Variants in CKAP2 observed in about 807,000 individuals in gnomAD.
The protein encoded by CKAP2 is cytoskeleton-associated protein 2.
A neutral mutation model predicts 58.4 loss-of-function variants in CKAP2; 46 were observed. The observed-to-expected ratio is 0.79, with a 90% CI of 0.62 to 1.01. The LOEUF (loss-of-function observed/expected upper bound fraction) is 1.01, where lower values mean the gene tolerates loss of function less well. Among genes scored for constraint, CKAP2 ranks in the 50% least tolerant of loss-of-function variants. The probability of loss-of-function intolerance (pLI) is 0.00; values close to 1 mark genes in which losing one functional copy is unlikely to be tolerated. For synonymous variants in CKAP2, 293 were observed against 280.9 expected (o/e 1.04, Z -0.43); for missense variants, 809 against 796.4 (o/e 1.02, Z -0.19).
chr13:52,468,127 A>G (rs906630846), intron 6 of CKAP2, 151 bp from the exon 7 acceptor site: 12 of 543,192 alleles, frequency 2.2e-5, no homozygotes, highest in African/African-American at 3.9e-5. Flanking sequence ...CCATTTTTCA[A>G]TCTTAATTGT....
chr13:52,463,473 C>T (rs1028657860), intron 5 of CKAP2, among the ~76,000 whole-genome samples: 2 of 151,830 alleles, frequency 1.3e-5, no homozygotes, highest in Non-Finnish European at 2.9e-5. Context: ...AATTAATTAA[C>T]AGTTTAAAAA....
rs900994083 is a variant in CKAP2 at position 52,475,263 on chromosome 13, C to T, written c.*122C>T. On this transcript the variant is annotated 3_prime_UTR_variant, in exon 9 of 9. Coordinates refer to ENST00000258607, the MANE Select transcript of CKAP2 (RefSeq NM_018204.5). ...TGTACCTATGTATCCTAAGCATTCACGGCAGTGAGCTCCTTTACTAACATT... is the reference window on the plus strand; with the variant it reads ...TGTACCTATGTATCCTAAGCATTCATGGCAGTGAGCTCCTTTACTAACATT... 22 of 1,158,272 alleles carry T rather than the reference C, an allele frequency of 1.9e-5. No homozygotes were observed. The highest frequency in any genetic ancestry group is 2.3e-4 in the Middle Eastern group (1 of 4,382). The allele number at this position is 1,158,272 out of a possible 1,614,324, so 71.7% of individuals were successfully genotyped here.
At chr13:52,465,722 A>G in intron 6 of CKAP2, 1 of 560,228 alleles carries the variant, frequency 1.8e-6, no homozygotes, top group Non-Finnish European at 3.4e-6. Flanking sequence ...TCTGCATGAA[A>G]TGTTTTAGCA....
At chr13:52,457,049 A>G (rs529821674) in intron 2 of CKAP2, among the ~76,000 whole-genome samples, 2 of 152,066 alleles carry the variant, frequency 1.3e-5, no homozygotes, top group South Asian at 2.1e-4. Context: ...GGCAAGTGCC[A>G]CCATTCCCTG....
intron 1 of CKAP2, chr13:52,456,310 T>C (rs111494601): frequency 0.014 from 9,651 of 700,684 alleles, 179 homozygotes; most frequent in Admixed American, 0.088. Context: ...GTGATTCTTA[T>C]GCAGAGGGGT....
rs759384590 is a variant in CKAP2 at position 52,465,400 on chromosome 13, C to G, written c.1411C>G (p.Pro471Ala). The G allele has an allele frequency of 1.2e-6, 2 of 1,613,398 alleles. No individual in the cohort carries two copies. The highest frequency in any genetic ancestry group is 2.2e-5 in the South Asian group (2 of 91,050). Residue 471 changes from proline to alanine, a missense_variant, in exon 6 of 9, where the codon CCA (proline) becomes GCA (alanine). Pro to Ala is a conservative substitution (Grantham distance 27). Around this residue, in one of 3 missense-constraint regions of CKAP2, gnomAD observed 283 missense variants for 287.6 expected, o/e 0.98. Coordinates refer to ENST00000258607, the MANE Select transcript of CKAP2 (RefSeq NM_018204.5). ...TTGGATATGTCTTGCACTTATTGAA[C>G]CAATCACAAGTCCTATTGAAAATAT... ...KYWICLALIE[P>A]ITSPIENIIA... is the part of the protein sequence containing the mutation.
chr13:52,462,411 G>GC lies in CKAP2; in HGVS notation c.1154dup (p.Asn386Ter). ...CTGGCAAAGGAAGAGTGCTAAAAAG[G>GC]CCCCCTAATTCAGTAGTTACTCAGC... is the stretch of plus-strand genomic sequence containing the variant. On this transcript the variant is annotated frameshift_variant, in exon 5 of 9. Transcript: ENST00000258607. LOFTEE classifies it high-confidence loss of function. 1.1e-5 allele frequency: 18 copies of GC among 1,614,012 alleles called. No individual in the cohort carries two copies. The highest frequency in any genetic ancestry group is 1.4e-5 in the Non-Finnish European group (17 of 1,179,994).
chr13:52,459,945 T>C (rs1358567905), intron 2 of CKAP2, among the ~76,000 whole-genome samples: 1 of 152,084 alleles, frequency 6.6e-6, no homozygotes, highest in African/African-American at 2.4e-5. Context: ...GCCCACTGCC[T>C]CAACTCCCAG....
rs780309061 is a variant in CKAP2 at position 52,468,340 on chromosome 13, T to C, written c.1539T>C (p.Ala513=). Residue 513 remains alanine, a synonymous_variant, in exon 7 of 9, where the codon GCT becomes GCC. Transcript: ENST00000258607. The stretch of plus-strand genomic sequence containing the variant: ...TAACAATGAAGAGTCAAGAAAAAGC[T>C]AATTTAGGTAAGTTTTAGTTATTTT... ...DILTMKSQEK[A]NLGENMEKSC... The C allele has an allele frequency of 3.8e-6, 6 of 1,586,260 alleles. No homozygotes were observed. The South Asian group carries it at 5.7e-5, about 15-fold the overall frequency.
At chr13:52,468,542 C>A (rs1161110515) in intron 7 of CKAP2, among the ~76,000 whole-genome samples, 195 bp downstream of exon 7, 3 of 152,106 alleles carry the variant, frequency 2.0e-5, no homozygotes, top group Non-Finnish European at 4.4e-5. Flanking sequence ...CATTATTTTT[C>A]CTGATCCTCT....
rs115526054 is a variant in CKAP2, at chr13:52,462,287, T to C, written c.1101-76T>C. ...AAAGTAAGATTACTTAAAAATATGATTTTTTCTTTTAACTTTATTTGACAG... is the reference window on the plus strand; with the variant it reads ...AAAGTAAGATTACTTAAAAATATGACTTTTTCTTTTAACTTTATTTGACAG... On this transcript the variant is annotated intron_variant, in intron 4 of 8. Transcript: ENST00000258607. 4.2e-3 allele frequency: 5,640 copies of C among 1,335,902 alleles called. 45 individuals carry two copies. The highest frequency in any genetic ancestry group is 0.018 in the Middle Eastern group (97 of 5,244). The allele number at this position is 1,335,902 out of a possible 1,614,324, so 82.8% of individuals were successfully genotyped here. A position where few individuals can be genotyped will look rare whatever the true frequency, so the allele number is the denominator to read the frequency against.
intron 2 of CKAP2, 64 bp from the exon 3 acceptor site, chr13:52,460,835 C>A: frequency 1.5e-6 from 2 of 1,369,388 alleles, no homozygotes; most frequent in Non-Finnish European, 2.0e-6. Flanking sequence ...TCTTCTTCCT[C>A]CCCAAAAGGA....
rs1354258106 is a variant in CKAP2 at position 52,475,407 on chromosome 13, T to G, written c.*266T>G. On this transcript the variant is annotated 3_prime_UTR_variant, in exon 9 of 9. Transcript: ENST00000258607. Reference sequence around the variant, plus strand: ...TTGTCAGCTAGTTTACTATGTTCCTTGAATATAAACAGGTTATAATACTAC... The same window carrying G: ...TTGTCAGCTAGTTTACTATGTTCCTGGAATATAAACAGGTTATAATACTAC... 7.7e-6 allele frequency: 3 copies of G among 390,584 alleles called. No homozygotes were observed. The Admixed American group carries it at 1.3e-4, about 16-fold the overall frequency. 24.2% of individuals were successfully genotyped at this position (390,584 alleles called of 1,614,324 possible).
chr13:52,457,393 T>G (rs1220980763), intron 2 of CKAP2, among the ~76,000 whole-genome samples: 1 of 152,196 alleles, frequency 6.6e-6, no homozygotes, highest in Non-Finnish European at 1.5e-5. Flanking sequence ...TCCCAAATGC[T>G]TAGAGATTAC....
chr13:52,461,814 A>G lies in CKAP2; in HGVS notation c.988A>G (p.Asn330Asp). ...TATAGCCAGGCCTGCTTCATTGTCT[A>G]ATGATAAACTGATGGAAAAGTCAGA... ...EVIARPASLS[N>D]DKLMEKSEPV... The change falls in exon 4 of 9, where the codon AAT becomes GAT. Residue 330 changes from asparagine (N) to aspartate (D), a missense_variant. Around this residue, in one of 3 missense-constraint regions of CKAP2, gnomAD observed 523 missense variants for 492.4 expected, o/e 1.06. Coordinates refer to ENST00000258607, the MANE Select transcript of CKAP2 (RefSeq NM_018204.5). The G allele has an allele frequency of 3.1e-6, 5 of 1,614,160 alleles. No individual in the cohort carries two copies. The highest frequency in any genetic ancestry group is 4.2e-6 in the Non-Finnish European group (5 of 1,179,978).
chr13:52,455,660 G>GCGGTGT, intron 1 of CKAP2, 34 bp downstream of exon 1: 7 of 1,436,114 alleles, frequency 4.9e-6, no homozygotes, highest in Non-Finnish European at 5.6e-6. Context: ...GGTGGCGGTG[G>GCGGTGT]CGGTGGCGGT....
chr13:52,461,673 G>C lies in CKAP2; in HGVS notation c.847G>C (p.Gly283Arg). The stretch of plus-strand genomic sequence containing the variant: ...TTCTGCCAATGTTACAATCCGGAAA[G>C]GGCCTCATGAAAAAGAACTATTACA... The part of the protein sequence containing the change: ...RTSANVTIRK[G>R]PHEKELLQSK... The change falls in exon 4 of 9, where the codon GGG becomes CGG. Residue 283 changes from glycine to arginine, a missense_variant. Coordinates refer to ENST00000258607, the MANE Select transcript of CKAP2 (RefSeq NM_018204.5). 6.2e-7 allele frequency: 1 copy of C among 1,614,058 alleles called. No homozygotes were observed. The highest frequency in any genetic ancestry group is 8.5e-7 in the Non-Finnish European group (1 of 1,180,014).
intron 7 of CKAP2, among the ~76,000 whole-genome samples, chr13:52,472,614 A>G (rs1594144648): frequency 6.6e-6 from 1 of 151,974 alleles, no homozygotes; most frequent in South Asian, 2.1e-4. Flanking sequence ...TCCCTTTCCC[A>G]TACCCAACAT....
rs551334949 is a variant in CKAP2 at position 52,465,914 on chromosome 13, T to C, written c.1476+449T>C. 163 of 332,450 alleles carry C rather than the reference T, an allele frequency of 4.9e-4. 4 individuals are homozygous for C. Among genetic ancestry groups the C allele is most frequent in the South Asian group, 4.0e-3 (158 of 39,200 alleles). 20.6% of individuals were successfully genotyped at this position (332,450 alleles called of 1,614,324 possible). ...GAATGTACTCATATATGTATATATA[T>C]ACACACATATATATACACACATATA... On this transcript the variant is annotated intron_variant, in intron 6 of 8. Transcript: ENST00000258607.
Sources: gnomAD v4.1 joint callset for allele counts (sites outside exome capture counted in the v4.1 genomes callset) on GRCh38, gnomAD v4.1.1 for gene constraint, gnomAD v4.1.1 regional missense constraint, MANE v1.5 for transcripts, NCBI Gene and HGNC (gene_info 2026-07-23, HGNC 2026-07-21) for gene names.